DHX8: variants seen among roughly 807,000 people sequenced by gnomAD.
DHX8 encodes the protein ATP-dependent RNA helicase DHX8.
A neutral mutation model predicts 140.7 loss-of-function variants in DHX8; 67 were observed. The ratio of observed to expected loss-of-function variants is 0.48; its 90% CI spans 0.39 to 0.58. The LOEUF is 0.58. DHX8 is among the 20% of genes least tolerant of loss of function. DHX8 has a pLI of 0.00. For synonymous variants in DHX8, 533 were observed against 553.2 expected, an observed-to-expected ratio of 0.96 and a Z score of 0.51; for missense variants, 887 against 1,550.7, an observed-to-expected ratio of 0.57 and a Z score of 7.19.
intron 6 of DHX8, 24 bp downstream of exon 6, chr17:43,493,064 C>T: frequency 1.9e-6 from 3 of 1,600,478 alleles, no homozygotes; most frequent in Non-Finnish European, 2.6e-6. Flanking sequence ...CTCTTTTGTT[C>T]ACACCAGTGA....
chr17:43,521,916 AC>A, intron 21 of DHX8, 130 bp from the exon 22 acceptor site: 2 of 924,326 alleles, frequency 2.2e-6, no homozygotes, highest in East Asian at 2.4e-5. Context: ...CCTCTGTAGT[AC>A]ACTTAGGGCT....
chr17:43,514,998 T>G (rs1268575375), intron 17 of DHX8, among the ~76,000 whole-genome samples: 1 of 152,160 alleles, frequency 6.6e-6, no homozygotes, highest in African/African-American at 2.4e-5. Flanking sequence ...TGCCCAAGAT[T>G]GAAAGCATGT....
At chr17:43,493,201 A>G (rs1968640784) in intron 6 of DHX8, among the ~76,000 whole-genome samples, 161 bp downstream of exon 6, 1 of 152,206 alleles carries the variant, frequency 6.6e-6, no homozygotes, top group South Asian at 2.1e-4. Context: ...TTACAGAGCC[A>G]TTTATTCCTT....
Position 43,521,571 on chromosome 17 carries a change from C to T in DHX8, c.3263+6C>T, listed in dbSNP as rs775526921. On this transcript the variant is annotated splice_donor_region_variant and intron_variant, in intron 21 of 22. Transcript: ENST00000262415. The stretch of plus-strand genomic sequence containing the variant: ...ATGTTAGGCATAATGGACAGGTAAG[C>T]TGGAATCTGATGACTCTGCATGTTT... 8 of 1,607,524 alleles carry T rather than the reference C, an allele frequency of 5.0e-6. No individual in the cohort carries two copies. The highest frequency in any genetic ancestry group is 6.0e-6 in the Non-Finnish European group (7 of 1,175,228).
At chr17:43,494,720 CAA>C (rs572905119) in intron 8 of DHX8, among the ~76,000 whole-genome samples, 10 of 57,866 alleles carry the variant, frequency 1.7e-4, no homozygotes, top group Admixed American at 4.0e-4. Flanking sequence ...GACTCTGTCT[CAA>C]AAAAAAAAAA....
At chr17:43,543,443 C>T (rs1162832188) in intron 3 of DHX8, among the ~76,000 whole-genome samples, 1 of 152,114 alleles carries the variant, frequency 6.6e-6, no homozygotes, top group Non-Finnish European at 1.5e-5. Flanking sequence ...CACAGATGGA[C>T]CAGCTGCTGC....
intron 16 of DHX8, among the ~76,000 whole-genome samples, chr17:43,509,754 C>T (rs1274392446): frequency 6.6e-6 from 1 of 151,992 alleles, no homozygotes; most frequent in Non-Finnish European, 1.5e-5. Flanking sequence ...CTGCAACCTT[C>T]ACCTCCCAGG....
downstream of DHX8, chr17:43,529,650 C>T: frequency 6.2e-7 from 1 of 1,613,288 alleles, no homozygotes; most frequent in Non-Finnish European, 8.5e-7. Context: ...TCTCGAAATG[C>T]ACCGACCCCT....
Position 43,507,693 on chromosome 17 carries a change from C to T in DHX8, c.2109+5C>T. ...CTCTTTGGATTGTTGAAAAAGGTAA[C>T]TAGATGCTCTTTAATGACCCCTCTA... On this transcript the variant is annotated splice_donor_5th_base_variant and intron_variant, in intron 14 of 22. Coordinates refer to ENST00000262415, the MANE Select transcript of DHX8 (RefSeq NM_004941.3). The T allele has an allele frequency of 4.3e-6, 7 of 1,613,688 alleles. No homozygotes were observed. The highest frequency in any genetic ancestry group is 5.9e-6 in the Non-Finnish European group (7 of 1,179,648).
rs763080131 is a variant in DHX8 at position 43,507,682 on chromosome 17, G to A, written c.2103G>A (p.Leu701=). Residue 701 remains leucine (L), a synonymous_variant, in exon 14 of 23, where the codon TTG becomes TTA. Transcript: ENST00000262415. ...ACACTGATGTGCTCTTTGGATTGTT[G>A]AAAAAGGTAACTAGATGCTCTTTAA... The part of the protein sequence containing the change: ...TIHTDVLFGL[L]KKTVQKRQDM... The A allele has an allele frequency of 3.1e-6, 5 of 1,613,826 alleles. 1 individual carries two copies. Among genetic ancestry groups the A allele is most frequent in the Middle Eastern group, 1.7e-4 (1 of 6,058 alleles).
At chr17:43,511,080 A>G (rs1969798175) in intron 16 of DHX8, among the ~76,000 whole-genome samples, 1 of 152,162 alleles carries the variant, frequency 6.6e-6, no homozygotes, top group South Asian at 2.1e-4. Flanking sequence ...CTGTAATTTC[A>G]TCACTTTGGG....
At chr17:43,520,922 T>C (rs1970342570) in intron 20 of DHX8, 43 bp downstream of exon 20, 1 of 1,568,184 alleles carries the variant, frequency 6.4e-7, no homozygotes. Flanking sequence ...TGCCATGAAG[T>C]TGGGGTAGTT....
At chr17:43,517,479 C>A (rs2154586829) in intron 18 of DHX8, 157 bp downstream of exon 18, 1 of 822,496 alleles carries the variant, frequency 1.2e-6, no homozygotes, top group Non-Finnish European at 1.8e-6. Flanking sequence ...AACAGCCTCT[C>A]ACGGCAGGTC....
At chr17:43,532,524 T>G in intron 2 of DHX8, 1 of 732,872 alleles carries the variant, frequency 1.4e-6, no homozygotes, top group Non-Finnish European at 2.2e-6. Flanking sequence ...GAAAGAAAAA[T>G]AACATTCTTT....
chr17:43,538,567 A>G (rs1971360388), intron 3 of DHX8, among the ~76,000 whole-genome samples: 1 of 152,168 alleles, frequency 6.6e-6, no homozygotes, highest in South Asian at 2.1e-4. Flanking sequence ...TCTAACCTGA[A>G]CATCAAACTC....
intron 16 of DHX8, among the ~76,000 whole-genome samples, chr17:43,512,228 A>G (rs1389567026): frequency 6.6e-6 from 1 of 151,886 alleles, no homozygotes; most frequent in African/African-American, 2.4e-5. Context: ...CTGTACTAAA[A>G]ATACAAAAAT....
chr17:43,520,907 G>A lies in DHX8; in HGVS notation c.3066+28G>A, dbSNP rs1012444966. 2.5e-6 allele frequency: 4 copies of A among 1,588,792 alleles called. No homozygotes were observed. In the African/African-American group the frequency reaches 5.4e-5, roughly 22 times the overall value. On this transcript the variant is annotated intron_variant, in intron 20 of 22. Coordinates refer to ENST00000262415, the MANE Select transcript of DHX8 (RefSeq NM_004941.3). ...AGGAAGTTCAGATCCAAGTTTAGAT[G>A]GGGGTGCCATGAAGTTGGGGTAGTT...
chr17:43,524,029 G>C lies in DHX8; in HGVS notation c.*182G>C. The C allele has an allele frequency of 7.0e-7, 1 of 1,429,728 alleles. No homozygotes were observed. Among genetic ancestry groups the C allele is most frequent in the Non-Finnish European group, 9.1e-7 (1 of 1,096,328 alleles). The allele number at this position is 1,429,728 out of a possible 1,614,324, so 88.6% of individuals were successfully genotyped here. ...GAAACAGGGATTTAAACCTGGCTTTGGCAAGAGCCTGCAGCCTCCATCACC... is the reference window on the plus strand; with the variant it reads ...GAAACAGGGATTTAAACCTGGCTTTCGCAAGAGCCTGCAGCCTCCATCACC... On this transcript the variant is annotated 3_prime_UTR_variant, in exon 23 of 23. Coordinates refer to ENST00000262415, the MANE Select transcript of DHX8 (RefSeq NM_004941.3).
chr17:43,499,668 C>T (rs758164481), intron 10 of DHX8, among the ~76,000 whole-genome samples: 1 of 152,196 alleles, frequency 6.6e-6, no homozygotes, highest in Non-Finnish European at 1.5e-5. Flanking sequence ...CAGAAAAATT[C>T]TTATACCTTT....
Sources: gnomAD v4.1 joint callset for allele counts (sites outside exome capture counted in the v4.1 genomes callset) on GRCh38, gnomAD v4.1.1 for gene constraint, MANE v1.5 for transcripts, NCBI Gene and HGNC (gene_info 2026-07-23, HGNC 2026-07-21) for gene names.